The following SLC4A4 variants were observed in gnomAD, a reference collection of about 807,000 sequenced individuals.
SLC4A4 encodes solute carrier family 4 member 4, also known as electrogenic sodium bicarbonate cotransporter 1.
SLC4A4 carries 27 observed loss-of-function variants against 111.5 expected under a neutral mutation model. The ratio of observed to expected loss-of-function variants is 0.24; its 90% confidence interval spans 0.18 to 0.33. SLC4A4 has a LOEUF of 0.33. Ranked by LOEUF, SLC4A4 falls within the 10% of genes least tolerant of loss-of-function variation. The pLI, the probability that SLC4A4 is intolerant of heterozygous loss-of-function variation, is 1.00. For synonymous variants in SLC4A4, 443 were observed against 463.4 expected (o/e 0.96, Z 0.57); for missense variants, 909 against 1,315.5 (o/e 0.69, Z 4.78).
At chr4:71,382,611 T>C (rs1003197403) in intron 6 of SLC4A4, among the ~76,000 whole-genome samples, 4 of 152,180 alleles carry the variant, frequency 2.6e-5, no homozygotes, top group African/African-American at 7.2e-5. Context: ...ATCACTTCAT[T>C]AAGTGGCAGG....
chr4:71,172,444 T>C (rs1744971801), intron 2 of SLC4A4, among the ~76,000 whole-genome samples: 2 of 152,172 alleles, frequency 1.3e-5, no homozygotes, highest in East Asian at 1.9e-4. Context: ...TTAGTAGAGA[T>C]GGGGTTTCAC....
Position 71,476,945 on chromosome 4 carries a change from T to C in SLC4A4, c.1903+3975T>C, listed in dbSNP as rs1486105784. On this transcript the variant is annotated intron_variant, in intron 14 of 25. Transcript: ENST00000264485. ...TGGATGTTAAATTTCCCACTGTACTTTGATGATTACATAGCAGAGTGTGTA... is the reference window on the plus strand; with the variant it reads ...TGGATGTTAAATTTCCCACTGTACTCTGATGATTACATAGCAGAGTGTGTA... 4.0e-5 allele frequency among the ~76,000 whole-genome samples: 6 copies of C among 151,858 alleles called. No individual in the cohort carries two copies. The South Asian group carries it at 6.2e-4, about 16-fold the overall frequency.
chr4:71,508,986 G>T (rs1276543986), intron 16 of SLC4A4, among the ~76,000 whole-genome samples: 1 of 152,034 alleles, frequency 6.6e-6, no homozygotes, highest in Non-Finnish European at 1.5e-5. Flanking sequence ...CACACAACCA[G>T]AACTAAGGAA....
chr4:71,227,138 G>T (rs1371391602), intron 1 of SLC4A4, among the ~76,000 whole-genome samples: 1 of 152,200 alleles, frequency 6.6e-6, no homozygotes, highest in South Asian at 2.1e-4. Flanking sequence ...TCAGGGAAGG[G>T]TATGTCTGAT....
At chr4:71,100,308 CAAT>C (rs920934072) in intron 2 of SLC4A4, among the ~76,000 whole-genome samples, 1 of 151,092 alleles carries the variant, frequency 6.6e-6, no homozygotes, top group African/African-American at 2.4e-5. Flanking sequence ...ATACACAAAT[CAAT>C]AAATGTGATT....
Position 71,151,093 on chromosome 4 carries a change from C to T in SLC4A4, c.-2+58301C>T, listed in dbSNP as rs180681896. Among the ~76,000 whole-genome samples the T allele has an allele frequency of 1.1e-3, 163 of 152,226 alleles. 5 individuals carry two copies. Among genetic ancestry groups the T allele is most frequent in the Non-Finnish European group, 3.1e-4 (21 of 68,002 alleles). The stretch of plus-strand genomic sequence containing the variant: ...TTTAAATCAAATTAAAATTTCAGTG[C>T]TTTGGTCACATTAGCTACAATTCAA... On this transcript the variant is annotated intron_variant, in intron 2 of 26. Coordinates refer to the SLC4A4 transcript ENST00000649996.
At chr4:71,250,236 A>T (rs755466425) in intron 2 of SLC4A4, among the ~76,000 whole-genome samples, 1 of 152,214 alleles carries the variant, frequency 6.6e-6, no homozygotes, top group Non-Finnish European at 1.5e-5. Context: ...AGACCAGGTT[A>T]TATTAGATAA....
At chr4:71,127,599 T>C (rs1321140450) in intron 2 of SLC4A4, among the ~76,000 whole-genome samples, 1 of 152,184 alleles carries the variant, frequency 6.6e-6, no homozygotes, top group Non-Finnish European at 1.5e-5. Flanking sequence ...ATTAAAAATA[T>C]TTATTTTTTT....
intron 1 of SLC4A4, among the ~76,000 whole-genome samples, chr4:71,199,796 G>A (rs1746166792): frequency 6.6e-6 from 1 of 152,064 alleles, no homozygotes; most frequent in Non-Finnish European, 1.5e-5. Flanking sequence ...GACTACAGGA[G>A]CGCACCACCA....
chr4:71,428,173 A>G (rs912935769), intron 7 of SLC4A4, among the ~76,000 whole-genome samples: 2 of 152,144 alleles, frequency 1.3e-5, no homozygotes, highest in African/African-American at 4.8e-5. Flanking sequence ...TGTTGTTTGC[A>G]TATGGTAAAT....
chr4:71,251,264 A>G (rs550419784), intron 2 of SLC4A4, among the ~76,000 whole-genome samples: 41 of 152,302 alleles, frequency 2.7e-4, no homozygotes, highest in African/African-American at 9.9e-4. Context: ...CAGAGTTACT[A>G]AGTGTAAGTT....
At chr4:71,171,631 C>T (rs1744943145) in intron 2 of SLC4A4, among the ~76,000 whole-genome samples, 1 of 152,162 alleles carries the variant, frequency 6.6e-6, no homozygotes, top group Non-Finnish European at 1.5e-5. Flanking sequence ...CGGTGACTTC[C>T]ATTTGCTTTG....
intron 2 of SLC4A4, among the ~76,000 whole-genome samples, chr4:71,111,928 C>G (rs1475750475): frequency 6.6e-6 from 1 of 151,912 alleles, no homozygotes; most frequent in African/African-American, 2.4e-5. Context: ...AACTCCTGCC[C>G]TCAAGTGATC....
intron 1 of SLC4A4, among the ~76,000 whole-genome samples, chr4:71,211,723 A>G (rs142516104): frequency 1.3e-4 from 20 of 151,604 alleles, no homozygotes; most frequent in Admixed American, 7.9e-4. Context: ...CATGTCCCCC[A>G]TAAGTTGAGA....
In SLC4A4 at chr4:71,210,455, CTTTAG is replaced by C. The variant is rs530834206; in HGVS notation, c.-2+23058_-2+23062del. Among the ~76,000 whole-genome samples, 21 of 152,254 alleles carry C rather than the reference CTTTAG, an allele frequency of 1.4e-4. 1 individual carries two copies. In the East Asian group the frequency reaches 3.5e-3, roughly 25 times the overall value. ...GAAAGTAAATGTCTTCTCTGAGAAA[CTTTAG>C]TTTGTGGGCAATGCATTGTATGTGT... On this transcript the variant is annotated intron_variant, in intron 1 of 25. Coordinates refer to ENST00000264485, the MANE Select transcript of SLC4A4 (RefSeq NM_001098484.3).
At chr4:71,066,948 A>T (rs1445890250) in intron 1 of SLC4A4, among the ~76,000 whole-genome samples, 1 of 152,202 alleles carries the variant, frequency 6.6e-6, no homozygotes, top group Non-Finnish European at 1.5e-5. Context: ...TCCTTGGCCT[A>T]TGACTTTACT....
chr4:71,505,192 T>C (rs1731299846), intron 16 of SLC4A4, among the ~76,000 whole-genome samples: 3 of 152,136 alleles, frequency 2.0e-5, no homozygotes, highest in Admixed American at 2.0e-4. Context: ...AGTGAATATA[T>C]GTATGAATGT....
intron 16 of SLC4A4, among the ~76,000 whole-genome samples, chr4:71,517,950 G>A (rs1732559883): frequency 1.3e-5 from 2 of 152,134 alleles, no homozygotes; most frequent in African/African-American, 4.8e-5. Flanking sequence ...CCTGGGGCCT[G>A]GGTCCATGAG....
chr4:71,360,418 A>T (rs1247701325), intron 6 of SLC4A4, among the ~76,000 whole-genome samples: 1 of 152,218 alleles, frequency 6.6e-6, no homozygotes, highest in Non-Finnish European at 1.5e-5. Flanking sequence ...TACATTTAAA[A>T]GTGTAAAGTG....
Sources: allele counts gnomAD v4.1 joint callset (sites outside exome capture counted in the v4.1 genomes callset), GRCh38; gene constraint gnomAD v4.1.1; transcripts MANE v1.5; gene names NCBI Gene and HGNC (gene_info 2026-07-23, HGNC 2026-07-21).